The following TJP3 variants were observed in gnomAD, a reference collection of about 807,000 sequenced individuals.
TJP3 encodes tight junction protein ZO-3.
In TJP3, 85 loss-of-function variants were observed where a neutral mutation model predicts 104.2. The observed-to-expected ratio is 0.82, with a 90% confidence interval of 0.68 to 0.98. TJP3 has a LOEUF of 0.98. TJP3 is among the 50% of genes least tolerant of loss of function. The pLI is 0.00. For synonymous variants in TJP3, 550 were observed against 550.6 expected, an observed-to-expected ratio of 1.00 and a Z score of 0.02; for missense variants, 1,367 against 1,322.8, an observed-to-expected ratio of 1.03 and a Z score of -0.52.
intron 1 of TJP3, chr19:3,721,661 T>G (rs969791813): frequency 5.9e-6 from 2 of 336,230 alleles, no homozygotes; most frequent in Non-Finnish European, 1.1e-5. Context: ...GAGAGAAACC[T>G]CCGCCGCGTC....
intron 15 of TJP3, 45 bp from the exon 16 acceptor site, chr19:3,745,965 CG>C: frequency 2.6e-6 from 4 of 1,515,836 alleles, no homozygotes; most frequent in Non-Finnish European, 2.7e-6. Flanking sequence ...TTTGAGGGGA[CG>C]GGGGCTGCCC....
In TJP3 at chr19:3,735,918, G is replaced by A. The variant is rs1599156309; in HGVS notation, c.1110G>A (p.Gln370=). The A allele has an allele frequency of 6.2e-7, 1 of 1,614,188 alleles. No individual in the cohort carries two copies. Among genetic ancestry groups the A allele is most frequent in the Non-Finnish European group, 8.5e-7 (1 of 1,180,030 alleles). The change falls in exon 10 of 21, where the codon CAG becomes CAA. Residue 370 remains glutamine (Q), a synonymous_variant. Coordinates refer to ENST00000541714, the MANE Select transcript of TJP3 (RefSeq NM_001267560.2). ...SYDIYRVPSS[Q]SMEDRGYSPD... ...ACATCTACAGAGTGCCCAGCAGTCA[G>A]AGCATGGAGGATCGTGGGTATGTAC...
At position 3,733,772 on chromosome 19, in the gene TJP3, A is replaced by G. The variant is rs1424696705; in HGVS notation, c.737A>G (p.Gln246Arg). The G allele has an allele frequency of 2.5e-6, 4 of 1,614,088 alleles. No individual in the cohort carries two copies. Among genetic ancestry groups the G allele is most frequent in the African/African-American group, 1.3e-5 (1 of 74,950 alleles). Residue 246 changes from glutamine (Q) to arginine (R), a missense_variant, in exon 7 of 21, where the codon CAG becomes CGG. By Grantham distance (43) the Gln-to-Arg change is conservative. Coordinates refer to ENST00000541714, the MANE Select transcript of TJP3 (RefSeq NM_001267560.2). ...LILQINGVSS[Q>R]NLSLNDTRRL... is the part of the protein sequence containing the mutation. ...TTTCAGATCAACGGGGTGTCTAGCC[A>G]GAACCTGTCACTGAACGACACCCGG... is the stretch of plus-strand genomic sequence containing the variant.
Position 3,733,745 on chromosome 19 carries a change from C to T in TJP3, c.718-8C>T. The T allele has an allele frequency of 3.7e-6, 6 of 1,614,022 alleles. No individual in the cohort carries two copies. The highest frequency in any genetic ancestry group is 5.1e-6 in the Non-Finnish European group (6 of 1,179,908). On this transcript the variant is annotated splice_region_variant and splice_polypyrimidine_tract_variant and intron_variant, in intron 6 of 20. Coordinates refer to ENST00000541714, the MANE Select transcript of TJP3 (RefSeq NM_001267560.2). ...CACTTCCGCTCTTTCATTCCTGGTC[C>T]CTTTCAGATCAACGGGGTGTCTAGC... is the stretch of plus-strand genomic sequence containing the variant.
At chr19:3,721,942 G>C in intron 1 of TJP3, 1 of 1,194,846 alleles carries the variant, frequency 8.4e-7, no homozygotes, top group Non-Finnish European at 1.0e-6. Flanking sequence ...GCAGGGGGAG[G>C]GGCTCGGGCT....
At chr19:3,732,986 C>T (rs910614504) in intron 6 of TJP3, among the ~76,000 whole-genome samples, 12 of 151,810 alleles carry the variant, frequency 7.9e-5, no homozygotes, top group African/African-American at 2.7e-4. Context: ...TCTAATCTAC[C>T]TCTAGATGAC....
intron 6 of TJP3, among the ~76,000 whole-genome samples, chr19:3,732,757 G>C (rs7251481): frequency 0.61 from 92,575 of 151,210 alleles, 28,625 homozygotes; most frequent in Admixed American, 0.74. Context: ...GATCCCCCCC[G>C]CTCGGCCTCC....
chr19:3,734,460 T>A, intron 8 of TJP3, 25 bp downstream of exon 8: 2 of 1,578,044 alleles, frequency 1.3e-6, no homozygotes, highest in Non-Finnish European at 1.7e-6. Flanking sequence ...TCGGCCAGAA[T>A]GGTGATAGGG....
chr19:3,716,987 C>T (rs1326219785), intron 1 of TJP3, among the ~76,000 whole-genome samples: 1 of 120,278 alleles, frequency 8.3e-6, no homozygotes, highest in Non-Finnish European at 1.8e-5. Flanking sequence ...TTTTTTGAGA[C>T]GGAGTTTCGC....
At chr19:3,722,277 A>T (rs889247369) in intron 1 of TJP3, among the ~76,000 whole-genome samples, 3 of 152,154 alleles carry the variant, frequency 2.0e-5, no homozygotes, top group Non-Finnish European at 1.5e-5. Flanking sequence ...GGTGATCGGC[A>T]TTTTAAACAG....
At position 3,730,468 on chromosome 19, in the gene TJP3, C is replaced by T; in HGVS notation, c.375C>T (p.Asp125=). Residue 125 remains aspartate (D), a synonymous_variant, in exon 5 of 21, where the codon GAC becomes GAT. Coordinates refer to ENST00000541714, the MANE Select transcript of TJP3 (RefSeq NM_001267560.2). This position sits in a 1 kb window ranked among gnomAD's most constrained non-coding sequence, Gnocchi z 7.3. ...DDGPQRVEEV[D]QGRGYDGDSS... is the part of the protein sequence containing the mutation. ...GGCCCCAGCGGGTGGAGGAGGTGGA[C>T]CAGGGCCGGGGCTATGACGGCGACT... 6.3e-7 allele frequency: 1 copy of T among 1,584,472 alleles called. No homozygotes were observed. Among genetic ancestry groups the T allele is most frequent in the Non-Finnish European group, 8.6e-7 (1 of 1,165,862 alleles).
chr19:3,735,492 C>G, intron 8 of TJP3, 74 bp from the exon 9 acceptor site: 1 of 1,475,418 alleles, frequency 6.8e-7, no homozygotes, highest in Non-Finnish European at 9.5e-7. Flanking sequence ...AACCACCGTG[C>G]CCGGCCTAAA....
In TJP3 at chr19:3,746,709, T is replaced by C; in HGVS notation, c.2221+14T>C. The C allele has an allele frequency of 6.2e-7, 1 of 1,606,342 alleles. No homozygotes were observed. Among genetic ancestry groups the C allele is most frequent in the Non-Finnish European group, 8.5e-7 (1 of 1,176,486 alleles). The stretch of plus-strand genomic sequence containing the variant: ...ACCTCTTCACAGGTTGGGGGGTGGG[T>C]GTCCCAGGGTAGGCGGGTGGGCCCC... On this transcript the variant is annotated intron_variant, in intron 17 of 20. Coordinates refer to ENST00000541714, the MANE Select transcript of TJP3 (RefSeq NM_001267560.2). The surrounding 1 kb of genome is among the most constrained non-coding windows in gnomAD (Gnocchi z 4.1).
chr19:3,745,132 T>C (rs1257406586), intron 15 of TJP3, among the ~76,000 whole-genome samples: 1 of 101,516 alleles, frequency 9.9e-6, no homozygotes, highest in Non-Finnish European at 1.9e-5. Flanking sequence ...AAATTTTATG[T>C]CTTTTTTTTT....
At chr19:3,729,564 T>C (rs2036641690) in intron 3 of TJP3, among the ~76,000 whole-genome samples, 1 of 151,996 alleles carries the variant, frequency 6.6e-6, no homozygotes, top group African/African-American at 2.4e-5. Context: ...GCGGATTACC[T>C]GAGGTCAGGA....
intron 5 of TJP3, among the ~76,000 whole-genome samples, chr19:3,731,624 A>C (rs900942991): frequency 2.0e-5 from 3 of 151,804 alleles, no homozygotes. Flanking sequence ...TAGGAGTGAG[A>C]CTCCTTCTCG....
At chr19:3,721,266 GA>G (rs952658410) in intron 1 of TJP3, among the ~76,000 whole-genome samples, 21 of 152,130 alleles carry the variant, frequency 1.4e-4, no homozygotes, top group South Asian at 4.1e-4. Context: ...AAGACCGCAG[GA>G]AAAAGGCACG....
intron 20 of TJP3, 140 bp downstream of exon 20, chr19:3,750,324 TA>T: frequency 8.2e-7 from 1 of 1,222,134 alleles, no homozygotes; most frequent in Non-Finnish European, 1.2e-6. Context: ...AGAGCCTCTC[TA>T]AGCCCCATAT....
intron 1 of TJP3, among the ~76,000 whole-genome samples, chr19:3,722,466 C>T (rs1271479060): frequency 4.0e-5 from 6 of 150,812 alleles, no homozygotes. Flanking sequence ...CAAGGCTGCA[C>T]GAGGGAGCAC....
Sources: gnomAD v4.1 joint callset for allele counts (sites outside exome capture counted in the v4.1 genomes callset) on GRCh38, gnomAD v4.1.1 for gene constraint, Gnocchi (gnomAD v3.1) non-coding constraint, MANE v1.5 for transcripts, NCBI Gene and HGNC (gene_info 2026-07-23, HGNC 2026-07-21) for gene names.